Variants in FER observed in about 807,000 individuals in gnomAD.
FER encodes the protein FER tyrosine kinase.
FER carries 63 observed loss-of-function variants against 111.0 expected under a neutral mutation model. That is an observed-to-expected ratio of 0.57 (90% confidence interval 0.46 to 0.70). The LOEUF is 0.70. Among genes scored for constraint, FER ranks in the 30% least tolerant of loss-of-function variants. The pLI, the probability that FER is intolerant of heterozygous loss-of-function variation, is 0.00. For synonymous variants in FER, 327 were observed against 313.9 expected, an observed-to-expected ratio of 1.04 and a Z score of -0.44; for missense variants, 914 against 954.0, an observed-to-expected ratio of 0.96 and a Z score of 0.55.
intron 2 of FER, among the ~76,000 whole-genome samples, chr5:108,773,907 A>C (rs1294824205): frequency 1.3e-5 from 2 of 152,050 alleles, no homozygotes; most frequent in Admixed American, 1.3e-4. Flanking sequence ...GTGAGATGGT[A>C]TCTCATTGTG....
At chr5:109,138,734 T>G (rs186816568) in intron 17 of FER, among the ~76,000 whole-genome samples, 1 of 152,284 alleles carries the variant, frequency 6.6e-6, no homozygotes, top group Admixed American at 6.5e-5. Flanking sequence ...GTGAAGTCAC[T>G]TACCCTCTCG....
At chr5:108,822,400 G>A (rs114616196) in intron 3 of FER, among the ~76,000 whole-genome samples, 1,559 of 152,298 alleles carry the variant, frequency 0.01, 25 homozygotes, top group African/African-American at 0.036. Context: ...TTATAGTTCT[G>A]TAGGCTGGGA....
In FER at chr5:108,863,364, G is replaced by A. The variant is rs180892774; in HGVS notation, c.482-4403G>A. The stretch of plus-strand genomic sequence containing the variant: ...TCGAACTCCTGACCTCAAGTAATCC[G>A]CCCGCCTCGGCCTCTGAAAGTGTTG... On this transcript the variant is annotated intron_variant, in intron 5 of 19. Coordinates refer to ENST00000281092, the MANE Select transcript of FER (RefSeq NM_005246.4). 3.9e-4 allele frequency among the ~76,000 whole-genome samples: 59 copies of A among 152,116 alleles called. 1 individual carries two copies. The East Asian group carries it at 5.0e-3, about 13-fold the overall frequency.
At chr5:108,939,161 G>C (rs1345265322) in intron 10 of FER, among the ~76,000 whole-genome samples, 1 of 151,520 alleles carries the variant, frequency 6.6e-6, no homozygotes, top group East Asian at 1.9e-4. Flanking sequence ...AAATTAATGG[G>C]AATAAGTGAG....
At position 108,897,690 on chromosome 5, in the gene FER, C is replaced by T. The variant is rs1360036739; in HGVS notation, c.1078C>T (p.Leu360Phe). 3.1e-6 allele frequency: 5 copies of T among 1,603,218 alleles called. No homozygotes were observed. The East Asian group carries it at 9.0e-5, about 29-fold the overall frequency. The change falls in exon 10 of 20, where the codon CTT (leucine) becomes TTT (phenylalanine). Residue 360 changes from leucine to phenylalanine, a missense_variant. Transcript: ENST00000281092. ...IVLLLSQKQA[L>F]EELKQSVQQL... is the part of the protein sequence containing the mutation. ...GCTTCTGCTAAGCCAAAAACAGGCA[C>T]TTGAAGAACTGAAACAGTCAGTCCA...
chr5:108,793,538 C>T (rs60862365), intron 2 of FER, among the ~76,000 whole-genome samples: 2,025 of 136,134 alleles, frequency 0.015, 64 homozygotes, highest in African/African-American at 0.055. Flanking sequence ...TGGTTATATA[C>T]CCAGCAGCGG....
At position 109,044,182 on chromosome 5, in the gene FER, C is replaced by CTTT. The variant is rs577263932; in HGVS notation, c.1714-487_1714-485dup. ...AAAATAAATACACTATAAATCAGGC[C>CTTT]TTTTTTTTTTTTTGGAGACAGAGTC... On this transcript the variant is annotated intron_variant, in intron 14 of 19. Coordinates refer to ENST00000281092, the MANE Select transcript of FER (RefSeq NM_005246.4). 1.2e-3 allele frequency among the ~76,000 whole-genome samples: 161 copies of CTTT among 132,528 alleles called. 1 individual carries two copies. The highest frequency in any genetic ancestry group is 3.7e-3 in the African/African-American group (135 of 36,452). 86.9% of individuals were successfully genotyped at this position (132,528 alleles called of 152,430 possible).
intron 17 of FER, among the ~76,000 whole-genome samples, chr5:109,172,281 A>G: frequency 6.6e-6 from 1 of 151,996 alleles, no homozygotes; most frequent in Admixed American, 6.6e-5. Context: ...TGGCACATAT[A>G]CACCATGGAA....
intron 1 of FER, among the ~76,000 whole-genome samples, chr5:108,756,239 T>G (rs778429962): frequency 6.6e-6 from 1 of 151,918 alleles, no homozygotes; most frequent in Non-Finnish European, 1.5e-5. Context: ...ATTATTTTTC[T>G]TTTAGAATTA....
chr5:109,124,976 GC>G (rs1751514737), intron 17 of FER, among the ~76,000 whole-genome samples: 1 of 149,346 alleles, frequency 6.7e-6, no homozygotes, highest in Non-Finnish European at 1.5e-5. Flanking sequence ...AACCCAGGAG[GC>G]AGAGCTTGCA....
At chr5:108,926,439 T>C (rs1320760350) in intron 10 of FER, among the ~76,000 whole-genome samples, 1 of 152,108 alleles carries the variant, frequency 6.6e-6, no homozygotes, top group Non-Finnish European at 1.5e-5. Flanking sequence ...TCAGAGTAAA[T>C]AGAATAAGAA....
intron 17 of FER, among the ~76,000 whole-genome samples, chr5:109,154,643 T>G (rs1030675244): frequency 6.6e-6 from 1 of 151,866 alleles, no homozygotes; most frequent in Admixed American, 6.6e-5. Flanking sequence ...TTAGCCACTT[T>G]CAAAATGTTC....
At chr5:109,129,952 A>G (rs972954799) in intron 17 of FER, among the ~76,000 whole-genome samples, 4 of 152,068 alleles carry the variant, frequency 2.6e-5, no homozygotes, top group Non-Finnish European at 5.9e-5. Context: ...AATAATAACA[A>G]TACCAAATAA....
At chr5:108,997,499 A>T (rs886910740) in intron 13 of FER, among the ~76,000 whole-genome samples, 1 of 151,878 alleles carries the variant, frequency 6.6e-6, no homozygotes, top group African/African-American at 2.4e-5. Flanking sequence ...AGTAGAGAAA[A>T]TTTGACTTTC....
At chr5:108,988,128 C>A (rs1017447384) in intron 13 of FER, among the ~76,000 whole-genome samples, 1 of 152,080 alleles carries the variant, frequency 6.6e-6, no homozygotes, top group Admixed American at 6.5e-5. Flanking sequence ...TCCCTGCATC[C>A]CTGGTATGAA....
chr5:108,955,046 T>G, intron 12 of FER, 114 bp downstream of exon 12: 1 of 848,198 alleles, frequency 1.2e-6, no homozygotes, highest in Non-Finnish European at 1.7e-6. Flanking sequence ...AATTTAGCAC[T>G]TAATTTTTTT....
At chr5:109,179,337 A>C (rs1049877912) in intron 17 of FER, among the ~76,000 whole-genome samples, 5 of 152,186 alleles carry the variant, frequency 3.3e-5, no homozygotes, top group Non-Finnish European at 5.9e-5. Flanking sequence ...TTAGGGATTT[A>C]AGTTTTTGTG....
chr5:108,797,596 A>G (rs774344962), intron 2 of FER, among the ~76,000 whole-genome samples: 10 of 152,306 alleles, frequency 6.6e-5, no homozygotes, highest in Non-Finnish European at 1.5e-4. Context: ...CCATGTGGCC[A>G]CTGCTGGGTG....
chr5:109,114,706 G>A (rs149805359), intron 17 of FER, among the ~76,000 whole-genome samples: 3 of 152,166 alleles, frequency 2.0e-5, no homozygotes, highest in Admixed American at 1.3e-4. Flanking sequence ...AAATAAAGCA[G>A]ACTGGATTTG....
Sources: allele counts gnomAD v4.1 joint callset (sites outside exome capture counted in the v4.1 genomes callset), GRCh38; gene constraint gnomAD v4.1.1; transcripts MANE v1.5; gene names NCBI Gene and HGNC (gene_info 2026-07-23, HGNC 2026-07-21).